The following UBE2H variants were observed in gnomAD, a reference collection of about 807,000 sequenced individuals.
UBE2H encodes ubiquitin-conjugating enzyme E2 H.
In UBE2H, 3 loss-of-function variants were observed where a neutral mutation model predicts 29.0. That is an observed-to-expected ratio of 0.10 (90% CI 0.05 to 0.27). The LOEUF (loss-of-function observed/expected upper bound fraction) is 0.27, where lower values mean the gene tolerates loss of function less well. UBE2H is among the 10% of genes least tolerant of loss of function. UBE2H has a pLI of 1.00. For missense variants in UBE2H, 68 were observed against 228.2 expected (o/e 0.30, Z 4.52); for synonymous variants, 69 against 82.9 (o/e 0.83, Z 0.91).
chr7:129,873,540 T>A (rs912369880), intron 3 of UBE2H, among the ~76,000 whole-genome samples: 1 of 151,584 alleles, frequency 6.6e-6, no homozygotes, highest in Admixed American at 6.6e-5. Flanking sequence ...GCTCAAGTGA[T>A]TCTCCCACCT....
At chr7:129,915,018 T>G (rs1168350629) in intron 1 of UBE2H, among the ~76,000 whole-genome samples, 2 of 152,306 alleles carry the variant, frequency 1.3e-5, no homozygotes, top group East Asian at 3.9e-4. Flanking sequence ...CAGTAAGCAC[T>G]CTAAGAGGCT....
At chr7:129,939,914 G>C (rs1295761010) in intron 1 of UBE2H, among the ~76,000 whole-genome samples, 1 of 151,528 alleles carries the variant, frequency 6.6e-6, no homozygotes, top group Non-Finnish European at 1.5e-5. Flanking sequence ...AGCCGAGATG[G>C]AGCCACTGCA....
intron 3 of UBE2H, among the ~76,000 whole-genome samples, chr7:129,876,620 GC>G (rs1806148755): frequency 6.6e-6 from 1 of 151,874 alleles, no homozygotes. Context: ...TATTCTTTGG[GC>G]TTAAATGACT....
chr7:129,910,437 C>G (rs964747303), intron 1 of UBE2H, among the ~76,000 whole-genome samples: 1 of 152,102 alleles, frequency 6.6e-6, no homozygotes, highest in Non-Finnish European at 1.5e-5. Context: ...GCATACAGCA[C>G]AGCATTGTAT....
chr7:129,938,285 G>C, intron 1 of UBE2H, among the ~76,000 whole-genome samples: 1 of 151,576 alleles, frequency 6.6e-6, no homozygotes, highest in East Asian at 1.9e-4. Flanking sequence ...GGTGGCGTGT[G>C]ACTGTAGTTC....
intron 1 of UBE2H, among the ~76,000 whole-genome samples, chr7:129,902,821 C>T (rs764928213): frequency 4.6e-5 from 7 of 152,258 alleles, no homozygotes; most frequent in East Asian, 1.9e-4. Flanking sequence ...ATTTACCCTA[C>T]GGGGAAACTG....
intron 1 of UBE2H, among the ~76,000 whole-genome samples, chr7:129,930,395 C>G (rs946253605): frequency 1.3e-5 from 2 of 152,142 alleles, no homozygotes; most frequent in African/African-American, 4.8e-5. Context: ...TCCCGACGAC[C>G]TCAGGTGACC....
intron 1 of UBE2H, among the ~76,000 whole-genome samples, chr7:129,881,873 T>C (rs996307861): frequency 2.0e-5 from 3 of 152,202 alleles, no homozygotes; most frequent in Admixed American, 6.5e-5. Flanking sequence ...AATTGTCTCC[T>C]TGGCTTATGG....
intron 1 of UBE2H, among the ~76,000 whole-genome samples, chr7:129,930,039 C>G (rs1421705610): frequency 6.6e-6 from 1 of 152,096 alleles, no homozygotes; most frequent in South Asian, 2.1e-4. Flanking sequence ...AACGGATATA[C>G]AAGAAACTGT....
intron 5 of UBE2H, among the ~76,000 whole-genome samples, chr7:129,846,264 T>C (rs1367932929): frequency 1.3e-5 from 2 of 152,006 alleles, no homozygotes; most frequent in African/African-American, 4.8e-5. Context: ...TCCTAGCACT[T>C]TGGGAGGCCA....
intron 1 of UBE2H, 38 bp downstream of exon 1, chr7:129,952,465 C>G (rs755757074): frequency 6.2e-7 from 1 of 1,606,412 alleles, no homozygotes; most frequent in South Asian, 1.1e-5. Context: ...CCACACCGCC[C>G]CCCACACACA....
At position 129,879,170 on chromosome 7, in the gene UBE2H, A is replaced by G. The variant is rs77292656; in HGVS notation, c.205+398T>C. Among the ~76,000 whole-genome samples the G allele has an allele frequency of 3.6e-3, 549 of 152,360 alleles. 3 individuals are homozygous for G. The highest frequency in any genetic ancestry group is 0.012 in the African/African-American group (492 of 41,578). On this transcript the variant is annotated intron_variant, in intron 3 of 6. Coordinates refer to ENST00000355621, the MANE Select transcript of UBE2H (RefSeq NM_003344.4). ...GTTGGAGTGAACAAAAAAGCAAAGT[A>G]GGATCTAGGGAGAATTTCTGAAAAT...
At chr7:129,879,106 G>A (rs562568328) in intron 3 of UBE2H, among the ~76,000 whole-genome samples, 79 of 152,308 alleles carry the variant, frequency 5.2e-4, no homozygotes, top group African/African-American at 1.8e-3. Flanking sequence ...CTGGAGGTGG[G>A]AAGACTGCAA....
chr7:129,877,427 T>C (rs544353453), intron 3 of UBE2H, among the ~76,000 whole-genome samples: 71 of 152,328 alleles, frequency 4.7e-4, no homozygotes, highest in African/African-American at 1.6e-3. Context: ...CCTTTCTGAA[T>C]GCTTAAAGCA....
chr7:129,947,793 G>A (rs1807795040), intron 1 of UBE2H, among the ~76,000 whole-genome samples: 7 of 151,858 alleles, frequency 4.6e-5, no homozygotes, highest in Admixed American at 4.6e-4. Context: ...CACCCATACT[G>A]AATTTTTCAC....
intron 1 of UBE2H, among the ~76,000 whole-genome samples, chr7:129,901,884 T>G (rs1806723633): frequency 6.6e-6 from 1 of 152,078 alleles, no homozygotes; most frequent in South Asian, 2.1e-4. Context: ...TGTGAGCCAC[T>G]GCACCCGGCT....
intron 5 of UBE2H, among the ~76,000 whole-genome samples, chr7:129,845,850 G>A (rs901874392): frequency 2.6e-5 from 4 of 152,200 alleles, no homozygotes; most frequent in African/African-American, 9.7e-5. Context: ...AAAAGGAGAA[G>A]TATAACATTG....
intron 1 of UBE2H, among the ~76,000 whole-genome samples, chr7:129,890,542 G>A (rs1290179520): frequency 1.3e-5 from 2 of 151,922 alleles, no homozygotes; most frequent in Admixed American, 1.3e-4. Context: ...ACCATGCATG[G>A]CTAATTTTTG....
intron 1 of UBE2H, among the ~76,000 whole-genome samples, chr7:129,941,233 G>C (rs892598942): frequency 5.9e-5 from 9 of 152,070 alleles, no homozygotes; most frequent in Non-Finnish European, 1.2e-4. Context: ...AGTAGAGACA[G>C]GGTTTCACCA....
Sources: gnomAD v4.1 joint callset for allele counts (sites outside exome capture counted in the v4.1 genomes callset) on GRCh38, gnomAD v4.1.1 for gene constraint, MANE v1.5 for transcripts, NCBI Gene and HGNC (gene_info 2026-07-23, HGNC 2026-07-21) for gene names.